Variants in PCSK5 observed in about 807,000 individuals in gnomAD.
PCSK5 encodes the protein proprotein convertase subtilisin/kexin type 5.
PCSK5 carries 129 observed loss-of-function variants against 233.2 expected under a neutral mutation model. That is an observed-to-expected ratio of 0.55 (90% CI 0.48 to 0.64). PCSK5 has a LOEUF of 0.64. Among genes scored for constraint, PCSK5 ranks in the 30% least tolerant of loss-of-function variants. The probability of loss-of-function intolerance (pLI) is 0.00; values close to 1 mark genes in which losing one functional copy is unlikely to be tolerated. For missense variants in PCSK5, 2,076 were observed against 2,430.1 expected, an observed-to-expected ratio of 0.85 and a Z score of 3.06; for synonymous variants, 825 against 879.2, an observed-to-expected ratio of 0.94 and a Z score of 1.09.
intron 2 of PCSK5, among the ~76,000 whole-genome samples, chr9:75,947,238 T>C (rs1489779512): frequency 1.3e-5 from 2 of 152,102 alleles, no homozygotes; most frequent in East Asian, 1.9e-4. Flanking sequence ...TTTGAAGAAA[T>C]AGAATACCTT....
rs979852999 is a variant in PCSK5 at position 75,973,474 on chromosome 9, G to C, written c.298-12658G>C. On this transcript the variant is annotated intron_variant, in intron 2 of 37. Transcript: ENST00000674117. ...ATTATTCTTTGACTAAAAGAGCAGT[G>C]AATACAGTCATTAATTCTGTAAATC... is the stretch of plus-strand genomic sequence containing the variant. 2.0e-5 allele frequency among the ~76,000 whole-genome samples: 3 copies of C among 152,206 alleles called. No homozygotes were observed. The South Asian group carries it at 6.2e-4, about 31-fold the overall frequency.
chr9:76,251,929 C>T (rs1297315989), intron 24 of PCSK5, among the ~76,000 whole-genome samples: 1 of 151,944 alleles, frequency 6.6e-6, no homozygotes, highest in Non-Finnish European at 1.5e-5. Context: ...AATGTTCTTC[C>T]CTTCTGATTC....
In PCSK5 at chr9:76,181,432, C is replaced by A; in HGVS notation, c.2038C>A (p.His680Asn). ...CTCCAGCTGCCCCCCTGGCCACTAC[C>A]ACGCCGACAAGAAGCGCTGCAGGAA... The part of the protein sequence containing the change: ...CVSSCPPGHY[H>N]ADKKRCRKCA... The change falls in exon 16 of 38, where the codon CAC (histidine) becomes AAC (asparagine). Residue 680 changes from histidine to asparagine, a missense_variant. Transcript: ENST00000674117. 1 of 1,613,890 alleles carries A rather than the reference C, an allele frequency of 6.2e-7. No individual in the cohort carries two copies. Among genetic ancestry groups the A allele is most frequent in the Non-Finnish European group, 8.5e-7 (1 of 1,179,864 alleles).
intron 1 of PCSK5, among the ~76,000 whole-genome samples, chr9:75,909,698 GA>G (rs1289162419): frequency 6.6e-6 from 1 of 151,734 alleles, no homozygotes; most frequent in Non-Finnish European, 1.5e-5. Context: ...TCCGTCTCAA[GA>G]AAAAAAATGC....
intron 20 of PCSK5, among the ~76,000 whole-genome samples, chr9:76,227,186 C>T (rs1825921812): frequency 1.3e-5 from 2 of 152,164 alleles, no homozygotes; most frequent in Admixed American, 6.5e-5. Flanking sequence ...AGCAGGAGTT[C>T]AGTAAAGGGG....
chr9:75,929,648 G>A (rs1305750198), intron 1 of PCSK5, among the ~76,000 whole-genome samples: 1 of 151,956 alleles, frequency 6.6e-6, no homozygotes, highest in Non-Finnish European at 1.5e-5. Context: ...ATCATAGCTA[G>A]TGTATTAGTC....
chr9:76,239,728 A>G lies in PCSK5; in HGVS notation c.3073+563A>G, dbSNP rs371947893. 2.2e-4 allele frequency among the ~76,000 whole-genome samples: 33 copies of G among 151,972 alleles called. No individual in the cohort carries two copies. In the South Asian group the frequency reaches 2.3e-3, roughly 11 times the overall value. ...AAAAAAAAGAAAAAAAAGAAAAGTA[A>G]GAAAGAAAAAGAAAATGATCTTGGC... On this transcript the variant is annotated intron_variant, in intron 23 of 37. Coordinates refer to ENST00000674117, the MANE Select transcript of PCSK5 (RefSeq NM_001372043.1).
chr9:76,249,579 T>C (rs1364554882), intron 24 of PCSK5, among the ~76,000 whole-genome samples: 1 of 152,202 alleles, frequency 6.6e-6, no homozygotes, highest in Non-Finnish European at 1.5e-5. Context: ...TGATTGTGGT[T>C]TCTAATACCA....
At chr9:76,308,607 C>A in intron 28 of PCSK5, 38 bp from the exon 29 acceptor site, 1 of 1,237,852 alleles carries the variant, frequency 8.1e-7, no homozygotes, top group Non-Finnish European at 1.2e-6. Flanking sequence ...GTGCCTATTC[C>A]AAGGAGAAGC....
chr9:76,245,348 G>A (rs934535586), intron 24 of PCSK5, among the ~76,000 whole-genome samples: 1 of 151,832 alleles, frequency 6.6e-6, no homozygotes, highest in Non-Finnish European at 1.5e-5. Flanking sequence ...GTAAGGAATT[G>A]CAAAAAAAAG....
chr9:76,205,582 T>C (rs1029903418), intron 20 of PCSK5, among the ~76,000 whole-genome samples: 2 of 152,190 alleles, frequency 1.3e-5, no homozygotes, highest in East Asian at 3.9e-4. Context: ...CCCTGTCTTA[T>C]AAGCTCCAAG....
chr9:75,955,574 C>T (rs1825059289), intron 2 of PCSK5, among the ~76,000 whole-genome samples: 1 of 152,030 alleles, frequency 6.6e-6, no homozygotes, highest in African/African-American at 2.4e-5. Context: ...ACGATAAATA[C>T]TTCTTAGGTG....
At chr9:75,993,747 C>T (rs1826875016) in intron 3 of PCSK5, among the ~76,000 whole-genome samples, 1 of 152,140 alleles carries the variant, frequency 6.6e-6, no homozygotes, top group Non-Finnish European at 1.5e-5. Context: ...TGGAGGAAAC[C>T]AGGATCAAGC....
intron 20 of PCSK5, among the ~76,000 whole-genome samples, chr9:76,221,788 G>T (rs577584837): frequency 3.9e-5 from 6 of 152,224 alleles, no homozygotes; most frequent in African/African-American, 1.2e-4. Context: ...CACAATTTAC[G>T]ATCCATCCTT....
intron 5 of PCSK5, among the ~76,000 whole-genome samples, chr9:76,065,855 A>G (rs1372473093): frequency 6.6e-6 from 1 of 151,970 alleles, no homozygotes; most frequent in Non-Finnish European, 1.5e-5. Flanking sequence ...TAATAGTTTC[A>G]TTTTTTATGT....
intron 4 of PCSK5, among the ~76,000 whole-genome samples, chr9:76,025,007 C>T (rs1171288281): frequency 6.6e-6 from 1 of 152,142 alleles, no homozygotes; most frequent in Non-Finnish European, 1.5e-5. Flanking sequence ...TAGTAAGGTA[C>T]ATTAGATACA....
chr9:76,252,837 T>C (rs1826856217), intron 24 of PCSK5, among the ~76,000 whole-genome samples: 1 of 152,236 alleles, frequency 6.6e-6, no homozygotes, highest in African/African-American at 2.4e-5. Context: ...GTATTGGCGA[T>C]ATGGAAGACA....
intron 24 of PCSK5, among the ~76,000 whole-genome samples, chr9:76,290,441 C>T (rs181031330): frequency 1.3e-5 from 2 of 152,296 alleles, no homozygotes; most frequent in Middle Eastern, 3.4e-3. Context: ...CATGTTGACC[C>T]AGACATTAAA....
chr9:75,964,273 A>G (rs957615057), intron 2 of PCSK5, among the ~76,000 whole-genome samples: 15 of 152,172 alleles, frequency 9.9e-5, no homozygotes, highest in African/African-American at 3.6e-4. Context: ...ACTGGGTGAA[A>G]GTTCTTTGGC....
Sources: allele counts gnomAD v4.1 joint callset (sites outside exome capture counted in the v4.1 genomes callset), GRCh38; gene constraint gnomAD v4.1.1; transcripts MANE v1.5; gene names NCBI Gene and HGNC (gene_info 2026-07-23, HGNC 2026-07-21).